ADAMTSL1: variants seen among roughly 807,000 people sequenced by gnomAD.
ADAMTSL1 encodes ADAMTS like 1, also known as ADAMTS-like protein 1.
In ADAMTSL1, 126 loss-of-function variants were observed where a neutral mutation model predicts 201.8. The observed-to-expected ratio is 0.62, with a 90% CI of 0.54 to 0.72. The LOEUF (loss-of-function observed/expected upper bound fraction) is 0.72. Ranked by LOEUF, ADAMTSL1 falls within the 30% of genes least tolerant of loss-of-function variation. ADAMTSL1 has a pLI of 0.00. For synonymous variants in ADAMTSL1, 1,121 were observed against 903.4 expected (o/e 1.24, Z -4.32); for missense variants, 2,679 against 2,277.8 (o/e 1.18, Z -3.59).
rs533312345 is a variant in ADAMTSL1, at chr9:18,562,352, C to G, written c.238-11678C>G. ...AGAATGTTGAATATTGGCCCCCACT[C>G]TCTTCTGGCTTGTAGGGTTTCTGCA... On this transcript the variant is annotated intron_variant, in intron 3 of 28. Coordinates refer to ENST00000380548, the MANE Select transcript of ADAMTSL1 (RefSeq NM_001040272.6). Among the ~76,000 whole-genome samples the G allele has an allele frequency of 3.0e-4, 46 of 152,318 alleles. No homozygotes were observed. In the South Asian group the frequency reaches 4.4e-3, roughly 14 times the overall value.
chr9:18,201,749 A>G (rs544051499), intron 2 of ADAMTSL1, among the ~76,000 whole-genome samples: 3 of 152,138 alleles, frequency 2.0e-5, no homozygotes, highest in East Asian at 1.9e-4. Flanking sequence ...AAGAACCTCA[A>G]TTTGAATCCT....
At chr9:18,322,999 T>C (rs189285948) in intron 2 of ADAMTSL1, among the ~76,000 whole-genome samples, 30 of 152,270 alleles carry the variant, frequency 2.0e-4, no homozygotes, top group African/African-American at 6.0e-4. Flanking sequence ...ACAAAATCTT[T>C]CAGAAAACAG....
chr9:17,942,339 A>G (rs756946943), intron 1 of ADAMTSL1, among the ~76,000 whole-genome samples: 41 of 152,280 alleles, frequency 2.7e-4, no homozygotes, highest in Middle Eastern at 3.4e-3. Flanking sequence ...AGTACTGATC[A>G]AATTATTCAT....
intron 2 of ADAMTSL1, among the ~76,000 whole-genome samples, chr9:18,271,100 T>C (rs781148099): frequency 6.6e-6 from 1 of 152,196 alleles, no homozygotes; most frequent in Non-Finnish European, 1.5e-5. Flanking sequence ...GGAACTTATC[T>C]GTTCTAGTAA....
intron 2 of ADAMTSL1, among the ~76,000 whole-genome samples, chr9:18,428,613 G>GA (rs1301159676): frequency 6.6e-6 from 1 of 151,348 alleles, no homozygotes; most frequent in African/African-American, 2.4e-5. Flanking sequence ...TCTCAAAAAA[G>GA]AAAAAAACAA....
chr9:17,976,535 G>C (rs1368163177), intron 1 of ADAMTSL1, among the ~76,000 whole-genome samples: 1 of 151,718 alleles, frequency 6.6e-6, no homozygotes, highest in Non-Finnish European at 1.5e-5. Flanking sequence ...TATTCTCGGA[G>C]AATTGGTTGT....
intron 2 of ADAMTSL1, among the ~76,000 whole-genome samples, chr9:18,468,858 G>A (rs373571614): frequency 1.3e-5 from 2 of 152,096 alleles, no homozygotes; most frequent in African/African-American, 4.8e-5. Context: ...AGGCCCTTGG[G>A]GCTTCTGCCA....
intron 28 of ADAMTSL1, chr9:18,908,003 A>T (rs1257131115): frequency 5.1e-6 from 1 of 197,254 alleles, no homozygotes; most frequent in Non-Finnish European, 1.0e-5. Context: ...CACTCCTGCA[A>T]AGTCGGGGAG....
intron 2 of ADAMTSL1, among the ~76,000 whole-genome samples, chr9:18,290,833 G>C (rs537649981): frequency 6.7e-6 from 1 of 149,244 alleles, no homozygotes; most frequent in Non-Finnish European, 1.5e-5. Context: ...CCAGGCTGGA[G>C]TGCAGTGGCG....
chr9:18,035,364 G>A (rs1269525159), intron 1 of ADAMTSL1, among the ~76,000 whole-genome samples: 1 of 152,166 alleles, frequency 6.6e-6, no homozygotes, highest in Non-Finnish European at 1.5e-5. Flanking sequence ...TTTTCTCTTG[G>A]CAGCCAAAGG....
intron 1 of ADAMTSL1, among the ~76,000 whole-genome samples, chr9:18,128,275 G>A (rs1005569218): frequency 1.3e-5 from 2 of 152,170 alleles, no homozygotes; most frequent in Non-Finnish European, 2.9e-5. Context: ...GACCACCAGG[G>A]TAATGAGATT....
At chr9:18,099,342 TATATATATATATA>T (rs1293593947) in intron 1 of ADAMTSL1, among the ~76,000 whole-genome samples, 1 of 47,906 alleles carries the variant, frequency 2.1e-5, no homozygotes, top group Non-Finnish European at 4.8e-5. Flanking sequence ...TATATATATA[TATATATATATATA>T]TTTTTTTTTT....
intron 2 of ADAMTSL1, among the ~76,000 whole-genome samples, chr9:18,384,988 C>T (rs1837729488): frequency 1.3e-5 from 2 of 152,074 alleles, no homozygotes; most frequent in South Asian, 4.1e-4. Context: ...TATTTTGTGT[C>T]CACTCAGTAA....
chr9:17,949,664 A>G (rs1046006666), intron 1 of ADAMTSL1, among the ~76,000 whole-genome samples: 1 of 152,160 alleles, frequency 6.6e-6, no homozygotes, highest in Non-Finnish European at 1.5e-5. Flanking sequence ...GCAGCATGGT[A>G]GTAGAAACCT....
intron 2 of ADAMTSL1, among the ~76,000 whole-genome samples, chr9:18,299,958 G>A (rs1443461012): frequency 6.6e-6 from 1 of 152,190 alleles, no homozygotes; most frequent in Non-Finnish European, 1.5e-5. Context: ...AGAGAGTGCA[G>A]TCATGCTTTC....
intron 23 of ADAMTSL1, among the ~76,000 whole-genome samples, chr9:18,864,017 G>A (rs966928744): frequency 1.3e-5 from 2 of 152,194 alleles, no homozygotes; most frequent in African/African-American, 4.8e-5. Flanking sequence ...GACAGGCCTG[G>A]AGCCAGCTCA....
At chr9:18,244,903 G>A (rs764201244) in intron 2 of ADAMTSL1, among the ~76,000 whole-genome samples, 12 of 152,216 alleles carry the variant, frequency 7.9e-5, no homozygotes, top group Non-Finnish European at 1.3e-4. Context: ...ATGCTTCCTC[G>A]TAGTCGCTGG....
chr9:18,419,384 AT>A (rs34017123), intron 2 of ADAMTSL1, among the ~76,000 whole-genome samples: 2 of 152,000 alleles, frequency 1.3e-5, no homozygotes, highest in Admixed American at 6.5e-5. Context: ...TAATTGAACT[AT>A]TTTTTTCTCT....
chr9:18,764,973 A>C (rs1820279500), intron 16 of ADAMTSL1, among the ~76,000 whole-genome samples: 1 of 152,178 alleles, frequency 6.6e-6, no homozygotes, highest in South Asian at 2.1e-4. Flanking sequence ...TCTATAGTAC[A>C]ATTTTATTAC....
Sources: gnomAD v4.1 joint callset for allele counts (sites outside exome capture counted in the v4.1 genomes callset) on GRCh38, gnomAD v4.1.1 for gene constraint, MANE v1.5 for transcripts, NCBI Gene and HGNC (gene_info 2026-07-23, HGNC 2026-07-21) for gene names.